Variants in RTL1 observed in about 807,000 individuals in gnomAD.
RTL1 encodes retrotransposon-like protein 1.
For missense variants in RTL1, 1,681 were observed against 1,767.5 expected (o/e 0.95, Z 0.88); for synonymous variants, 727 against 748.4 (o/e 0.97, Z 0.47).
At chr14:100,902,173 T>C (rs1183827567) in intron 2 of RTL1, among the ~76,000 whole-genome samples, 1 of 152,180 alleles carries the variant, frequency 6.6e-6, no homozygotes, top group Non-Finnish European at 1.5e-5. Flanking sequence ...GCTGCTTTGC[T>C]GAGCCCTCCC....
In RTL1 at chr14:100,893,016, G is replaced by A. The variant is rs1284859974; in HGVS notation, c.-87+428C>T. Among the ~76,000 whole-genome samples, 1 of 152,066 alleles carries A rather than the reference G, an allele frequency of 6.6e-6. No homozygotes were observed. The highest frequency in any genetic ancestry group is 2.4e-5 in the African/African-American group (1 of 41,384). ...TCCTGGGCAGGAGCAGATGCCCAGAGTGGGGTTGGCAGTTGCCATTTGGGA... is the reference window on the plus strand; with the variant it reads ...TCCTGGGCAGGAGCAGATGCCCAGAATGGGGTTGGCAGTTGCCATTTGGGA... On this transcript the variant is annotated intron_variant, in intron 3 of 3. Transcript: ENST00000649591. This position sits in a 1 kb window ranked among gnomAD's most constrained non-coding sequence, Gnocchi z 4.2.
At chr14:100,900,851 T>G (rs531255604) in intron 2 of RTL1, among the ~76,000 whole-genome samples, 1 of 152,078 alleles carries the variant, frequency 6.6e-6, no homozygotes, top group African/African-American at 2.4e-5. Flanking sequence ...AATGTCACTC[T>G]CCCAAACATT....
At position 100,882,928 on chromosome 14, in the gene RTL1, C is replaced by T. The variant is rs2140035929; in HGVS notation, c.1861G>A (p.Ala621Thr). Residue 621 changes from alanine (A) to threonine (T), a missense_variant, in exon 4 of 4, where the codon GCC becomes ACC. Coordinates refer to ENST00000649591, the MANE Select transcript of RTL1 (RefSeq NM_001134888.3). ...PSTAPWEPVG[A>T]RMQERARLQE... is the part of the protein sequence containing the mutation. ...AGCCTGGCTCTTTCTTGCATCCTGG[C>T]ACCCACAGGTTCCCAAGGCGCGGTG... 2 of 1,611,066 alleles carry T rather than the reference C, an allele frequency of 1.2e-6. No individual in the cohort carries two copies. Among genetic ancestry groups the T allele is most frequent in the South Asian group, 1.1e-5 (1 of 90,346 alleles).
In RTL1 at chr14:100,881,402, A is replaced by G. The variant is rs1398171539; in HGVS notation, c.3387T>C (p.Asp1129=). Residue 1129 remains aspartate (D), a synonymous_variant, in exon 4 of 4, where the codon GAT becomes GAC. Coordinates refer to ENST00000649591, the MANE Select transcript of RTL1 (RefSeq NM_001134888.3). The surrounding 1 kb of genome is among the most constrained non-coding windows in gnomAD (Gnocchi z 6.6). ...QPQRSLRLIL[D]SSLIAGSSIT... ...TGCTGCTGCCTGCGATGAGGGACGA[A>G]TCCAGGATGAGTCGTAGGGAGCGCT... 6.4e-7 allele frequency: 1 copy of G among 1,550,768 alleles called. No individual in the cohort carries two copies. Among genetic ancestry groups the G allele is most frequent in the East Asian group, 2.4e-5 (1 of 40,898 alleles).
In RTL1 at chr14:100,883,034, A is replaced by G; in HGVS notation, c.1755T>C (p.Asp585=). The G allele has an allele frequency of 1.9e-6, 3 of 1,614,126 alleles. No individual in the cohort carries two copies. Among genetic ancestry groups the G allele is most frequent in the Non-Finnish European group, 1.7e-6 (2 of 1,180,030 alleles). ...TSDQPSSDGS[D]DLSESEPSEL... ...CAGAGGGCTCTGATTCAGAAAGATC[A>G]TCGGATCCGTCTGAGCTTGGCTGGT... Residue 585 remains aspartate, a synonymous_variant, in exon 4 of 4, where the codon GAT becomes GAC. Transcript: ENST00000649591. This position sits in a 1 kb window ranked among gnomAD's most constrained non-coding sequence, Gnocchi z 5.9.
intron 2 of RTL1, among the ~76,000 whole-genome samples, chr14:100,896,436 G>C (rs1302036870): frequency 7.2e-5 from 11 of 152,144 alleles, no homozygotes; most frequent in Non-Finnish European, 1.3e-4. Flanking sequence ...AGTGGGCTTA[G>C]TTTTGTCTTC....
chr14:100,899,364 G>T (rs1566761600), intron 2 of RTL1, among the ~76,000 whole-genome samples: 1 of 152,254 alleles, frequency 6.6e-6, no homozygotes. Context: ...CAGAACAGGA[G>T]GAGGACATGT....
rs757259142 is a variant in RTL1 at position 100,884,801 on chromosome 14, A to G, written c.-13T>C. On this transcript the variant is annotated 5_prime_UTR_variant, in exon 4 of 4. Coordinates refer to ENST00000649591, the MANE Select transcript of RTL1 (RefSeq NM_001134888.3). ...AGGGTTCTATCATTTCGTCGGATGG[A>G]AAGGAGTGTATTCTGAAGATTGGTA... is the stretch of plus-strand genomic sequence containing the variant. 14 of 1,547,060 alleles carry G rather than the reference A, an allele frequency of 9.0e-6. No individual in the cohort carries two copies. Among genetic ancestry groups the G allele is most frequent in the African/African-American group, 1.4e-5 (1 of 72,482 alleles).
intron 3 of RTL1, among the ~76,000 whole-genome samples, chr14:100,885,353 T>C (rs1566755211): frequency 6.6e-6 from 1 of 152,196 alleles, no homozygotes; most frequent in Non-Finnish European, 1.5e-5. Flanking sequence ...CCACCTTGGT[T>C]GTGGAGCGGG....
At chr14:100,895,378 C>T (rs188036776) in intron 2 of RTL1, among the ~76,000 whole-genome samples, 34 of 152,228 alleles carry the variant, frequency 2.2e-4, no homozygotes, top group African/African-American at 7.7e-4. Context: ...AAATCATCCT[C>T]CCCGTCTTAC....
At chr14:100,885,372 G>C (rs542651380) in intron 3 of RTL1, among the ~76,000 whole-genome samples, 1 of 152,296 alleles carries the variant, frequency 6.6e-6, no homozygotes, top group East Asian at 1.9e-4. Context: ...GGAATCTCTA[G>C]CAAAGATGCC....
chr14:100,896,618 G>A (rs1285312759), intron 2 of RTL1, among the ~76,000 whole-genome samples: 12 of 151,804 alleles, frequency 7.9e-5, no homozygotes, highest in East Asian at 2.0e-4. Flanking sequence ...GGCTTCTGAC[G>A]GGAGTCGGGG....
At chr14:100,900,448 C>T (rs1233313821) in intron 2 of RTL1, among the ~76,000 whole-genome samples, 8 of 152,214 alleles carry the variant, frequency 5.3e-5, no homozygotes, top group South Asian at 2.1e-4. Flanking sequence ...TGAGCCTGGT[C>T]AGGCACATGT....
In RTL1 at chr14:100,892,746, G is replaced by A. The variant is rs138516479; in HGVS notation, c.-87+698C>T. 1.4e-4 allele frequency among the ~76,000 whole-genome samples: 21 copies of A among 152,228 alleles called. No individual in the cohort carries two copies. The East Asian group carries it at 2.7e-3, about 20-fold the overall frequency. ...GATGACTGGAGTTGGTGAGGGGTAC[G>A]TGCGGAAGACGGAATGTGACCCAGA... is the stretch of plus-strand genomic sequence containing the variant. On this transcript the variant is annotated intron_variant, in intron 3 of 3. Transcript: ENST00000649591.
intron 3 of RTL1, among the ~76,000 whole-genome samples, chr14:100,892,954 C>A (rs1382982551): frequency 6.6e-6 from 1 of 152,034 alleles, no homozygotes; most frequent in Non-Finnish European, 1.5e-5. Flanking sequence ...GGCACAAGGC[C>A]CCCGAGAGAC....
rs1294954105 is a variant in RTL1 at position 100,883,395 on chromosome 14, G to A, written c.1394C>T (p.Ser465Leu). 3 of 1,549,612 alleles carry A rather than the reference G, an allele frequency of 1.9e-6. No individual in the cohort carries two copies. Among genetic ancestry groups the A allele is most frequent in the African/African-American group, 1.4e-5 (1 of 72,980 alleles). The change falls in exon 4 of 4, where the codon TCG (serine) becomes TTG (leucine). Residue 465 changes from serine (S) to leucine (L), a missense_variant. By Grantham distance (145) the Ser-to-Leu change is moderately radical. Coordinates refer to ENST00000649591, the MANE Select transcript of RTL1 (RefSeq NM_001134888.3). The surrounding 1 kb of genome is among the most constrained non-coding windows in gnomAD (Gnocchi z 5.9). ...CCAGACAGGCTCGTTGCCAATCAGC[G>A]AGCCGTCCACGGATTGGACCGGCTG... ...YPQPVQSVDG[S>L]LIGNEPVWLY...
intron 3 of RTL1, among the ~76,000 whole-genome samples, chr14:100,888,560 A>T (rs1393414086): frequency 6.6e-6 from 1 of 152,246 alleles, no homozygotes; most frequent in Non-Finnish European, 1.5e-5. Flanking sequence ...ATAAAATTTG[A>T]TCTTATAACT....
chr14:100,892,414 C>T (rs1376251827), intron 3 of RTL1, among the ~76,000 whole-genome samples: 4 of 152,200 alleles, frequency 2.6e-5, no homozygotes, highest in South Asian at 2.1e-4. Context: ...CCAGGGAAGA[C>T]GGGTGTGTGA....
At position 100,885,223 on chromosome 14, in the gene RTL1, T is replaced by A. The variant is rs369801599; in HGVS notation, c.-86-349A>T. Among the ~76,000 whole-genome samples the A allele has an allele frequency of 2.2e-3, 339 of 152,286 alleles. 2 individuals carry two copies. The highest frequency in any genetic ancestry group is 7.6e-3 in the African/African-American group (317 of 41,594). ...GTGCACAGGCTGCTCCATTCCCCCC[T>A]GGCACATGCACCTGGTCAATCCTCT... is the stretch of plus-strand genomic sequence containing the variant. On this transcript the variant is annotated intron_variant, in intron 3 of 3. Coordinates refer to ENST00000649591, the MANE Select transcript of RTL1 (RefSeq NM_001134888.3).
Sources: gnomAD v4.1 joint callset for allele counts (sites outside exome capture counted in the v4.1 genomes callset) on GRCh38, gnomAD v4.1.1 for gene constraint, Gnocchi (gnomAD v3.1) non-coding constraint, MANE v1.5 for transcripts, NCBI Gene and HGNC (gene_info 2026-07-23, HGNC 2026-07-21) for gene names.